The following UBE2G1 variants were observed in gnomAD, a reference collection of about 807,000 sequenced individuals.
UBE2G1 encodes the protein ubiquitin conjugating enzyme E2 G1.
Under a neutral mutation model 22.7 loss-of-function variants are expected in UBE2G1, and 5 were observed. The ratio of observed to expected loss-of-function variants is 0.22; its 90% CI spans 0.12 to 0.46. The LOEUF (loss-of-function observed/expected upper bound fraction) is 0.46, where lower values mean the gene tolerates loss of function less well. UBE2G1 is among the 20% of genes least tolerant of loss of function. UBE2G1 has a pLI of 0.99. For missense variants in UBE2G1, 88 were observed against 203.9 expected, an observed-to-expected ratio of 0.43 and a Z score of 3.46; for synonymous variants, 74 against 67.5, an observed-to-expected ratio of 1.10 and a Z score of -0.47.
intron 1 of UBE2G1, among the ~76,000 whole-genome samples, chr17:4,363,170 T>C (rs951140854): frequency 5.9e-5 from 9 of 152,204 alleles, no homozygotes; most frequent in African/African-American, 2.2e-4. Context: ...AGTTATCGAA[T>C]CTTTCCAATA....
chr17:4,328,464 AAG>A (rs1170181360), intron 1 of UBE2G1, among the ~76,000 whole-genome samples: 2 of 152,220 alleles, frequency 1.3e-5, no homozygotes, highest in Non-Finnish European at 2.9e-5. Context: ...TTTCGCCAGC[AAG>A]AGATACAGTA....
At chr17:4,306,617 A>C (rs1969251700) in intron 2 of UBE2G1, among the ~76,000 whole-genome samples, 1 of 152,186 alleles carries the variant, frequency 6.6e-6, no homozygotes. Context: ...TCCTTAAAAA[A>C]TAATTTCATG....
Position 4,302,223 on chromosome 17 carries a change from G to A in UBE2G1, c.149+4798C>T, listed in dbSNP as rs185415485. 4.3e-4 allele frequency: 214 copies of A among 494,502 alleles called. 2 individuals are homozygous for A. Among genetic ancestry groups the A allele is most frequent in the East Asian group, 3.2e-3 (59 of 18,270 alleles). 30.6% of individuals were successfully genotyped at this position (494,502 alleles called of 1,614,324 possible). On this transcript the variant is annotated intron_variant, in intron 2 of 5. Coordinates refer to ENST00000396981, the MANE Select transcript of UBE2G1 (RefSeq NM_003342.5). ...CCAGGCAGCAAGTGCAATGAACAGTGTTGTATATGTCGTTATCAGCTCCCA... is the reference window on the plus strand; with the variant it reads ...CCAGGCAGCAAGTGCAATGAACAGTATTGTATATGTCGTTATCAGCTCCCA...
chr17:4,358,984 A>G (rs1424208026), intron 1 of UBE2G1, among the ~76,000 whole-genome samples: 1 of 152,090 alleles, frequency 6.6e-6, no homozygotes, highest in Non-Finnish European at 1.5e-5. Context: ...AAAAAGGAAA[A>G]AGAACTCTTT....
intron 1 of UBE2G1, among the ~76,000 whole-genome samples, chr17:4,357,513 G>C (rs1198503398): frequency 1.2e-5 from 1 of 84,758 alleles, no homozygotes; most frequent in Non-Finnish European, 2.5e-5. Flanking sequence ...GTGTGTGGGG[G>C]GGGGGGGTGG....
At chr17:4,306,888 G>T (rs1442599074) in intron 2 of UBE2G1, 133 bp downstream of exon 2, 1 of 638,238 alleles carries the variant, frequency 1.6e-6, no homozygotes, top group South Asian at 1.8e-5. Context: ...CTGACCTCAT[G>T]ATCGGCCCGC....
intron 1 of UBE2G1, among the ~76,000 whole-genome samples, chr17:4,360,210 T>C (rs1294420116): frequency 2.0e-5 from 3 of 152,152 alleles, no homozygotes; most frequent in African/African-American, 7.2e-5. Context: ...GACACACCCT[T>C]AGAGGTCATC....
intron 5 of UBE2G1, among the ~76,000 whole-genome samples, chr17:4,277,827 G>A (rs733622): frequency 0.55 from 83,352 of 152,078 alleles, 26,023 homozygotes; most frequent in East Asian, 0.8. Context: ...TGATAAAGCC[G>A]TGAGAAAAGC....
chr17:4,342,643 C>T (rs1030635855), intron 1 of UBE2G1, among the ~76,000 whole-genome samples: 1 of 152,166 alleles, frequency 6.6e-6, no homozygotes, highest in African/African-American at 2.4e-5. Context: ...AGGAAATACA[C>T]CCAAGAATTA....
chr17:4,274,016 T>C (rs1165370663), intron 5 of UBE2G1, among the ~76,000 whole-genome samples: 2 of 152,004 alleles, frequency 1.3e-5, no homozygotes, highest in African/African-American at 2.4e-5. Context: ...GACGGAGTCT[T>C]GCTCTGTCAC....
chr17:4,315,596 C>T (rs1432353273), intron 1 of UBE2G1, among the ~76,000 whole-genome samples: 1 of 151,104 alleles, frequency 6.6e-6, no homozygotes, highest in Admixed American at 6.6e-5. Context: ...AAAAAATAGC[C>T]GGGCGTGGTG....
At chr17:4,363,946 G>T (rs1229044380) in intron 1 of UBE2G1, among the ~76,000 whole-genome samples, 1 of 69,798 alleles carries the variant, frequency 1.4e-5, no homozygotes, top group Non-Finnish European at 2.3e-5. Flanking sequence ...GTAAGACTCC[G>T]TCTCAAAAAA....
intron 1 of UBE2G1, among the ~76,000 whole-genome samples, chr17:4,346,881 G>C (rs1009336801): frequency 2.0e-5 from 3 of 151,854 alleles, no homozygotes; most frequent in Non-Finnish European, 4.4e-5. Flanking sequence ...GATCAGACGC[G>C]GTGGCTCATG....
chr17:4,337,341 A>T (rs1051930573), intron 1 of UBE2G1, among the ~76,000 whole-genome samples: 1 of 150,682 alleles, frequency 6.6e-6, no homozygotes, highest in Non-Finnish European at 1.5e-5. Flanking sequence ...AAAGAAAAGA[A>T]AAGAAAGAAA....
At chr17:4,277,303 C>T (rs1199300887) in intron 5 of UBE2G1, among the ~76,000 whole-genome samples, 1 of 152,210 alleles carries the variant, frequency 6.6e-6, no homozygotes, top group East Asian at 1.9e-4. Flanking sequence ...ACCCAGATCC[C>T]ATGGCCATGG....
intron 1 of UBE2G1, among the ~76,000 whole-genome samples, chr17:4,342,277 C>T (rs1969720714): frequency 6.6e-6 from 1 of 152,164 alleles, no homozygotes; most frequent in South Asian, 2.1e-4. Flanking sequence ...GATGTTCAGG[C>T]CAAAAACCCT....
chr17:4,324,406 G>A (rs1219554944), intron 1 of UBE2G1, among the ~76,000 whole-genome samples: 1 of 151,750 alleles, frequency 6.6e-6, no homozygotes, highest in Non-Finnish European at 1.5e-5. Flanking sequence ...TTATATTTTG[G>A]GTATATTGAG....
At chr17:4,276,948 C>T (rs531098117) in intron 5 of UBE2G1, among the ~76,000 whole-genome samples, 20 of 152,328 alleles carry the variant, frequency 1.3e-4, no homozygotes, top group East Asian at 9.6e-4. Context: ...CAACTCCACC[C>T]GTCTAATCCA....
intron 1 of UBE2G1, among the ~76,000 whole-genome samples, chr17:4,337,758 A>G (rs1969666467): frequency 6.6e-6 from 1 of 152,212 alleles, no homozygotes. Context: ...AACACCTTCA[A>G]CTGAGCAAGA....
Sources: gnomAD v4.1 joint callset for allele counts (sites outside exome capture counted in the v4.1 genomes callset) on GRCh38, gnomAD v4.1.1 for gene constraint, MANE v1.5 for transcripts, NCBI Gene and HGNC (gene_info 2026-07-23, HGNC 2026-07-21) for gene names.